The following PDZD2 variants were observed in gnomAD, a reference collection of about 807,000 sequenced individuals.
The protein encoded by PDZD2 is PDZ domain containing 2.
Under a neutral mutation model 220.7 loss-of-function variants are expected in PDZD2, and 90 were observed. That is an observed-to-expected ratio of 0.41 (90% CI 0.34 to 0.49). PDZD2 has a LOEUF of 0.49. Ranked by LOEUF, PDZD2 falls within the 20% of genes least tolerant of loss-of-function variation. PDZD2 has a pLI of 0.28. For synonymous variants in PDZD2, 1,375 were observed against 1,450.5 expected (o/e 0.95, Z 1.18); for missense variants, 3,174 against 3,608.5 (o/e 0.88, Z 3.08).
intron 3 of PDZD2, among the ~76,000 whole-genome samples, chr5:31,994,031 TTGGGGGGA>T (rs959656717): frequency 2.0e-5 from 3 of 152,098 alleles, no homozygotes; most frequent in Non-Finnish European, 4.4e-5. Flanking sequence ...TTTTTGTTTG[TTGGGGGGA>T]TGGAGTCTCA....
At chr5:32,078,633 A>T in intron 19 of PDZD2, among the ~76,000 whole-genome samples, 1 of 13,796 alleles carries the variant, frequency 7.2e-5, no homozygotes, top group Non-Finnish European at 1.1e-4. Flanking sequence ...CTGTGTCTCA[A>T]AAATTAAAAA....
chr5:31,946,191 T>G (rs892934201), intron 2 of PDZD2, among the ~76,000 whole-genome samples: 3 of 152,150 alleles, frequency 2.0e-5, no homozygotes, highest in African/African-American at 7.2e-5. Context: ...TTAGTAGAGA[T>G]GGGGTTTCAC....
intron 2 of PDZD2, among the ~76,000 whole-genome samples, chr5:31,948,450 C>G (rs756717533): frequency 6.6e-6 from 1 of 152,104 alleles, no homozygotes; most frequent in Non-Finnish European, 1.5e-5. Flanking sequence ...GCAACTGTTC[C>G]AGCAAAGAGA....
rs1266262300 is a variant in PDZD2 at position 32,087,298 on chromosome 5, C to T, written c.3850C>T (p.Leu1284Phe). The T allele has an allele frequency of 2.5e-6, 4 of 1,614,090 alleles. No homozygotes were observed. The highest frequency in any genetic ancestry group is 3.4e-6 in the Non-Finnish European group (4 of 1,179,934). The change falls in exon 20 of 25, where the codon CTC becomes TTC. Residue 1284 changes from leucine to phenylalanine, a missense_variant. By Grantham distance (22) the Leu-to-Phe change is conservative. Coordinates refer to ENST00000438447, the MANE Select transcript of PDZD2 (RefSeq NM_178140.4). The surrounding 1 kb of genome is among the most constrained non-coding windows in gnomAD (Gnocchi z 4.0). ...GTGCAAGGCCAGGTCTCCAGTCAGG[C>T]TCCCCCATGAGGGCAGCCCCTCCCC... is the stretch of plus-strand genomic sequence containing the variant. ...TKCKARSPVR[L>F]PHEGSPSPGE...
At chr5:32,086,628 CAAG>C (rs1021473345) in intron 19 of PDZD2, among the ~76,000 whole-genome samples, 3 of 152,022 alleles carry the variant, frequency 2.0e-5, no homozygotes, top group African/African-American at 7.2e-5. Flanking sequence ...ACCAGGAAGA[CAAG>C]AAGGGCCTCC....
At chr5:32,073,714 G>C in intron 17 of PDZD2, 118 bp from the exon 18 acceptor site, 2 of 720,482 alleles carry the variant, frequency 2.8e-6, no homozygotes, top group Admixed American at 4.6e-5. Flanking sequence ...GGCTGAGGCT[G>C]TGTGTCTGGT....
At chr5:31,799,856 C>A (rs1754288239) in intron 2 of PDZD2, 132 bp downstream of exon 2, 1 of 661,862 alleles carries the variant, frequency 1.5e-6, no homozygotes, top group Non-Finnish European at 2.7e-6. Context: ...TCATTTAAAC[C>A]CCCTCATCCA....
At chr5:31,711,276 G>A (rs563143120) in intron 1 of PDZD2, among the ~76,000 whole-genome samples, 178 of 152,330 alleles carry the variant, frequency 1.2e-3, no homozygotes, top group Non-Finnish European at 2.0e-3. Context: ...AAGGGCAGAG[G>A]GTCCATGTGC....
chr5:32,025,741 C>T (rs1754605933), intron 6 of PDZD2, among the ~76,000 whole-genome samples: 1 of 151,040 alleles, frequency 6.6e-6, no homozygotes, highest in Non-Finnish European at 1.5e-5. Flanking sequence ...GCTGGGATTA[C>T]AGGTGCCCTC....
At chr5:31,678,124 G>A (rs1427571295) in intron 1 of PDZD2, among the ~76,000 whole-genome samples, 1 of 152,240 alleles carries the variant, frequency 6.6e-6, no homozygotes, top group African/African-American at 2.4e-5. Flanking sequence ...ATGGGGGACA[G>A]ATGGTCAGCG....
intron 2 of PDZD2, among the ~76,000 whole-genome samples, chr5:31,862,613 T>G (rs1580925218): frequency 6.6e-6 from 1 of 150,852 alleles, no homozygotes. Context: ...CAGGCTGGAG[T>G]GCAGTAGTGC....
At chr5:31,876,297 CTTTTTT>C (rs56153944) in intron 2 of PDZD2, among the ~76,000 whole-genome samples, 5 of 141,472 alleles carry the variant, frequency 3.5e-5, no homozygotes, top group African/African-American at 1.3e-4. Flanking sequence ...AATTTTTTTT[CTTTTTT>C]TTTTTTTTAA....
chr5:31,777,233 G>A (rs958096527), intron 1 of PDZD2, among the ~76,000 whole-genome samples: 17 of 152,192 alleles, frequency 1.1e-4, no homozygotes, highest in Non-Finnish European at 1.9e-4. Context: ...GGCAGTGAGG[G>A]GCTTAGCACC....
chr5:31,859,096 G>T (rs1000061447), intron 2 of PDZD2, among the ~76,000 whole-genome samples: 11 of 151,878 alleles, frequency 7.2e-5, no homozygotes, highest in Non-Finnish European at 1.6e-4. Flanking sequence ...AGTGGACTCA[G>T]CATGAGGACC....
intron 1 of PDZD2, among the ~76,000 whole-genome samples, chr5:31,697,902 CATTTTTTATCATT>C (rs1468444525): frequency 2.1e-5 from 1 of 48,210 alleles, no homozygotes; most frequent in Non-Finnish European, 3.9e-5. Flanking sequence ...TTATTATTAT[CATTTTTTATCATT>C]TTTTTTTAGA....
intron 1 of PDZD2, among the ~76,000 whole-genome samples, chr5:31,671,407 T>G (rs958164309): frequency 6.6e-6 from 1 of 152,232 alleles, no homozygotes; most frequent in Non-Finnish European, 1.5e-5. Context: ...ATTTGTTGTC[T>G]GAGAGCTTTG....
At chr5:31,711,421 G>C (rs1364179266) in intron 1 of PDZD2, among the ~76,000 whole-genome samples, 1 of 152,220 alleles carries the variant, frequency 6.6e-6, no homozygotes, top group East Asian at 1.9e-4. Context: ...GTGAACTCCT[G>C]CATAAAGACC....
intron 2 of PDZD2, among the ~76,000 whole-genome samples, chr5:31,900,618 C>T (rs145979990): frequency 6.6e-6 from 1 of 152,252 alleles, no homozygotes; most frequent in African/African-American, 2.4e-5. Flanking sequence ...GAAGCAAGGC[C>T]CTGCCGAGAG....
intron 24 of PDZD2, chr5:32,103,402 G>A (rs1438341318): frequency 1.3e-5 from 2 of 150,896 alleles, no homozygotes; most frequent in Admixed American, 6.6e-5. Flanking sequence ...GGATGACAGA[G>A]TAGGACCCTG....
Sources: gnomAD v4.1 joint callset for allele counts (sites outside exome capture counted in the v4.1 genomes callset) on GRCh38, gnomAD v4.1.1 for gene constraint, Gnocchi (gnomAD v3.1) non-coding constraint, MANE v1.5 for transcripts, NCBI Gene and HGNC (gene_info 2026-07-23, HGNC 2026-07-21) for gene names.